Variants in FARS2 observed in about 807,000 individuals in gnomAD.
FARS2 encodes the protein phenylalanine--tRNA ligase, mitochondrial.
FARS2 carries 40 observed loss-of-function variants against 46.4 expected under a neutral mutation model. The observed-to-expected ratio is 0.86, with a 90% CI of 0.67 to 1.12. FARS2 has a LOEUF of 1.12. Among genes scored for constraint, FARS2 ranks in the 50% most tolerant of loss-of-function variants. The pLI is 0.00. For synonymous variants in FARS2, 234 were observed against 214.9 expected (o/e 1.09, Z -0.78); for missense variants, 513 against 567.9 (o/e 0.90, Z 0.98).
chr6:5,531,068 T>G (rs1455004932), intron 4 of FARS2, among the ~76,000 whole-genome samples: 4 of 152,108 alleles, frequency 2.6e-5, no homozygotes, highest in African/African-American at 9.7e-5. Flanking sequence ...TGATAGCATC[T>G]GATGTGGGAA....
intron 1 of FARS2, among the ~76,000 whole-genome samples, chr6:5,294,299 A>C (rs189033255): frequency 5.3e-5 from 8 of 152,264 alleles, no homozygotes; most frequent in African/African-American, 1.7e-4. Flanking sequence ...AAGGGAAAAG[A>C]GGAGTAGAGG....
intron 5 of FARS2, among the ~76,000 whole-genome samples, chr6:5,581,337 G>A (rs1261468643): frequency 2.0e-5 from 3 of 152,130 alleles, no homozygotes; most frequent in African/African-American, 7.2e-5. Flanking sequence ...GAGAAATGAG[G>A]GTCGGCCATC....
intron 6 of FARS2, among the ~76,000 whole-genome samples, chr6:5,750,825 T>C (rs1761904154): frequency 6.6e-6 from 1 of 152,148 alleles, no homozygotes; most frequent in Non-Finnish European, 1.5e-5. Context: ...TGACTATTAA[T>C]AGGCTCTCTT....
intron 2 of FARS2, among the ~76,000 whole-genome samples, chr6:5,395,000 A>G (rs1760810829): frequency 6.6e-6 from 1 of 151,984 alleles, no homozygotes; most frequent in African/African-American, 2.4e-5. Context: ...AGCCAGGCTT[A>G]TTCTGCAAGG....
chr6:5,532,780 T>TAAGAAGAAGAAGAAGAAGAAGAAGAAG (rs1441043690), intron 4 of FARS2, among the ~76,000 whole-genome samples: 2 of 146,428 alleles, frequency 1.4e-5, no homozygotes, highest in African/African-American at 5.3e-5. Context: ...ATAATAATAA[T>TAAGAAGAAGAAGAAGAAGAAGAAGAAG]AATAAGAAGA....
intron 6 of FARS2, among the ~76,000 whole-genome samples, chr6:5,744,269 CG>C (rs1561834063): frequency 6.6e-6 from 1 of 152,148 alleles, no homozygotes; most frequent in Non-Finnish European, 1.5e-5. Flanking sequence ...AGAACCACTG[CG>C]GCAGGACAAC....
chr6:5,298,122 G>A (rs1460609727), intron 1 of FARS2, among the ~76,000 whole-genome samples: 2 of 152,212 alleles, frequency 1.3e-5, no homozygotes, highest in African/African-American at 4.8e-5. Flanking sequence ...TTGTGAAGAG[G>A]ATATGCATTT....
At chr6:5,698,395 A>G (rs530951590) in intron 6 of FARS2, among the ~76,000 whole-genome samples, 25 of 152,174 alleles carry the variant, frequency 1.6e-4, no homozygotes, top group Non-Finnish European at 3.1e-4. Flanking sequence ...TCACTGCGCC[A>G]TGACGGATCC....
At chr6:5,279,094 G>A (rs1301352595) in intron 1 of FARS2, among the ~76,000 whole-genome samples, 1 of 152,108 alleles carries the variant, frequency 6.6e-6, no homozygotes, top group Non-Finnish European at 1.5e-5. Context: ...AGAAAATCTT[G>A]AGGCCGGGCA....
At chr6:5,543,138 C>A (rs983141564) in intron 4 of FARS2, among the ~76,000 whole-genome samples, 2 of 152,122 alleles carry the variant, frequency 1.3e-5, no homozygotes, top group Admixed American at 6.5e-5. Flanking sequence ...TTAAAAAGTT[C>A]TTTGCTAATG....
intron 1 of FARS2, among the ~76,000 whole-genome samples, chr6:5,322,827 A>G (rs1403344133): frequency 6.6e-6 from 1 of 152,202 alleles, no homozygotes; most frequent in African/African-American, 2.4e-5. Flanking sequence ...ACTTGTGTTC[A>G]GAGGGAAAGC....
intron 4 of FARS2, among the ~76,000 whole-genome samples, chr6:5,462,946 G>C (rs559582714): frequency 5.5e-4 from 84 of 152,290 alleles, no homozygotes; most frequent in Non-Finnish European, 1.0e-3. Flanking sequence ...ATCAGAGCTT[G>C]GCAAACTTTT....
rs146234530 is a variant in FARS2 at position 5,404,069 on chromosome 6, C to T, written c.613-473C>T. ...TGCCTAAGTTTACACAGATAGTAAG[C>T]GGCAGAAACATGTTTGAGGCTCTGC... On this transcript the variant is annotated intron_variant, in intron 2 of 6. Transcript: ENST00000274680. Among the ~76,000 whole-genome samples the T allele has an allele frequency of 8.1e-4, 124 of 152,264 alleles. 2 individuals are homozygous for T. The South Asian group carries it at 0.011, about 13-fold the overall frequency.
rs746746116 is a variant in FARS2, at chr6:5,545,200, G to A, written c.925G>A (p.Gly309Ser). 2 of 1,613,742 alleles carry A rather than the reference G, an allele frequency of 1.2e-6. No individual in the cohort carries two copies. Among genetic ancestry groups the A allele is most frequent in the African/African-American group, 1.3e-5 (1 of 75,024 alleles). ...CACAGCTGGTGCTCAAGACCGAATCGGCTGGGCTTTTGGCCTAGGATTAGA... is the reference window on the plus strand; with the variant it reads ...CACAGCTGGTGCTCAAGACCGAATCAGCTGGGCTTTTGGCCTAGGATTAGA... ...VNSAGAQDRI[G>S]WAFGLGLERL... Residue 309 changes from glycine to serine, a missense_variant, in exon 5 of 7, where the codon GGC becomes AGC. Physicochemically the swap from Gly to Ser is moderately conservative, Grantham distance 56. Coordinates refer to ENST00000274680, the MANE Select transcript of FARS2 (RefSeq NM_006567.5).
chr6:5,656,636 C>T (rs923471836), intron 6 of FARS2, among the ~76,000 whole-genome samples: 9 of 151,940 alleles, frequency 5.9e-5, no homozygotes, highest in African/African-American at 9.7e-5. Context: ...CTGCAACCTC[C>T]GCCTCCCGGG....
At chr6:5,736,409 A>G (rs1481760805) in intron 6 of FARS2, among the ~76,000 whole-genome samples, 1 of 152,186 alleles carries the variant, frequency 6.6e-6, no homozygotes, top group Non-Finnish European at 1.5e-5. Flanking sequence ...TCTAGGGGGC[A>G]TCTCTGGAGA....
intron 1 of FARS2, among the ~76,000 whole-genome samples, chr6:5,296,389 C>T (rs1228845020): frequency 6.6e-6 from 1 of 152,122 alleles, no homozygotes; most frequent in Non-Finnish European, 1.5e-5. Flanking sequence ...GATCCGCCCG[C>T]CTTGGCCTCC....
At chr6:5,605,748 GA>G (rs34162253) in intron 5 of FARS2, among the ~76,000 whole-genome samples, 71 of 147,574 alleles carry the variant, frequency 4.8e-4, no homozygotes, top group South Asian at 1.3e-3. Context: ...AGCTATCTTG[GA>G]AAAAAAAAAT....
chr6:5,680,533 C>T (rs1045977305), intron 6 of FARS2, among the ~76,000 whole-genome samples: 3 of 152,098 alleles, frequency 2.0e-5, no homozygotes, highest in Non-Finnish European at 1.5e-5. Context: ...TACAGCTGCC[C>T]CATCGGTCCT....
Sources: gnomAD v4.1 joint callset for allele counts (sites outside exome capture counted in the v4.1 genomes callset) on GRCh38, gnomAD v4.1.1 for gene constraint, MANE v1.5 for transcripts, NCBI Gene and HGNC (gene_info 2026-07-23, HGNC 2026-07-21) for gene names.